The following PDIA6 variants were observed in gnomAD, a reference collection of about 807,000 sequenced individuals.
PDIA6 encodes the protein protein disulfide isomerase family A member 6.
Under a neutral mutation model 58.4 loss-of-function variants are expected in PDIA6, and 29 were observed. That is an observed-to-expected ratio of 0.50 (90% CI 0.37 to 0.68). The LOEUF is 0.68. Ranked by LOEUF, PDIA6 falls within the 30% of genes least tolerant of loss-of-function variation. The probability of loss-of-function intolerance (pLI) is 0.00; values close to 1 mark genes in which losing one functional copy is unlikely to be tolerated. For synonymous variants in PDIA6, 192 were observed against 202.6 expected (o/e 0.95, Z 0.44); for missense variants, 480 against 551.0 (o/e 0.87, Z 1.29).
chr2:10,785,972 C>T (rs1221505922), intron 11 of PDIA6, among the ~76,000 whole-genome samples: 1 of 152,152 alleles, frequency 6.6e-6, no homozygotes, highest in Non-Finnish European at 1.5e-5. Flanking sequence ...CCTCAGACTC[C>T]CAAAGTGTTG....
chr2:10,833,457 C>T (rs1300579467), upstream of PDIA6, among the ~76,000 whole-genome samples: 2 of 152,214 alleles, frequency 1.3e-5, no homozygotes, highest in African/African-American at 4.8e-5. Context: ...CAGTCCATCA[C>T]CACAGTGGGG....
At chr2:10,834,768 TTCC>T (rs1667793549), upstream of PDIA6, among the ~76,000 whole-genome samples, 4 of 120,626 alleles carry the variant, frequency 3.3e-5, no homozygotes, top group African/African-American at 1.2e-4. Context: ...CCTTCCTTCC[TTCC>T]TTCCGTTCTT....
chr2:10,814,742 A>G (rs117533060), upstream of PDIA6, among the ~76,000 whole-genome samples: 32 of 152,274 alleles, frequency 2.1e-4, 1 homozygote, highest in East Asian at 5.2e-3. Context: ...CTTTGTCCCC[A>G]TGGGCCACAG....
intron 4 of PDIA6, among the ~76,000 whole-genome samples, chr2:10,796,514 AAAG>A: frequency 6.6e-6 from 1 of 152,058 alleles, no homozygotes. Flanking sequence ...AAAAAAAAAA[AAAG>A]AAAAGAAAAA....
Position 10,806,628 on chromosome 2 carries a change from C to CAAAGAAAGAAAGAAAGAAAGAAAGAA in PDIA6, c.20-3989_20-3988insTTCTTTCTTTCTTTCTTTCTTTCTTT, listed in dbSNP as rs142782761. Among the ~76,000 whole-genome samples the CAAAGAAAGAAAGAAAGAAAGAAAGAA allele has an allele frequency of 6.4e-4, 45 of 70,382 alleles. 9 individuals carry two copies. Among genetic ancestry groups the CAAAGAAAGAAAGAAAGAAAGAAAGAA allele is most frequent in the East Asian group, 3.2e-3 (7 of 2,208 alleles). The allele number at this position is 70,382 out of a possible 152,430, so 46.2% of individuals were successfully genotyped here. ...AACCACATCTCCTAAAAAATAAAGA[C>CAAAGAAAGAAAGAAAGAAAGAAAGAA]AGAAAGAAAGAAAGAAAGAAAAACG... On this transcript the variant is annotated intron_variant, in intron 1 of 12. Transcript: ENST00000272227.
intron 6 of PDIA6, among the ~76,000 whole-genome samples, chr2:10,791,424 G>A (rs1666031397): frequency 6.6e-6 from 1 of 152,234 alleles, no homozygotes; most frequent in African/African-American, 2.4e-5. Flanking sequence ...AGGATTACAG[G>A]TGTGAGCCAC....
At chr2:10,831,882 C>T (rs979220460) in intron 1 of PDIA6, among the ~76,000 whole-genome samples, 7 of 151,874 alleles carry the variant, frequency 4.6e-5, no homozygotes, top group Non-Finnish European at 1.5e-5. Context: ...CCTTCCTCTC[C>T]CCTCAAACCT....
In PDIA6 at chr2:10,803,005, G is replaced by C. The variant is rs115101953; in HGVS notation, c.20-365C>G. Among the ~76,000 whole-genome samples, 677 of 152,278 alleles carry C rather than the reference G, an allele frequency of 4.4e-3. 11 individuals carry two copies. The highest frequency in any genetic ancestry group is 0.016 in the African/African-American group (663 of 41,562). On this transcript the variant is annotated intron_variant, in intron 1 of 12. Transcript: ENST00000272227. The stretch of plus-strand genomic sequence containing the variant: ...GCTGAAAAATTGGGAGGTCACTTCT[G>C]CCTGTGTAACCCTGGGCAATCACGT...
rs1283231893 is a variant in PDIA6 at position 10,788,077 on chromosome 2, AAAAG to A, written c.998+616_998+619del. Among the ~76,000 whole-genome samples, 7 of 152,002 alleles carry A rather than the reference AAAAG, an allele frequency of 4.6e-5. No homozygotes were observed. The South Asian group carries it at 6.2e-4, about 14-fold the overall frequency. ...TGAGACTCTGTCTCAAAAAAAAAAA[AAAAG>A]GATAAAATAGGAAAGAGATACACTG... On this transcript the variant is annotated intron_variant, in intron 10 of 12. Coordinates refer to ENST00000272227, the MANE Select transcript of PDIA6 (RefSeq NM_005742.4).
At chr2:10,812,914 C>T (rs1053463206), upstream of PDIA6, 65 of 1,018,606 alleles carry the variant, frequency 6.4e-5, no homozygotes, top group Non-Finnish European at 7.3e-5. Context: ...TGGGAGGCGG[C>T]CGGGTAGAGG....
intron 9 of PDIA6, 42 bp from the exon 10 acceptor site, chr2:10,788,811 G>A (rs1188158691): frequency 6.4e-7 from 1 of 1,564,930 alleles, no homozygotes; most frequent in East Asian, 2.2e-5. Context: ...AAAGATAAAG[G>A]AGTCCATAAA....
At chr2:10,826,801 C>T (rs1667567853) in intron 1 of PDIA6, among the ~76,000 whole-genome samples, 1 of 152,156 alleles carries the variant, frequency 6.6e-6, no homozygotes, top group African/African-American at 2.4e-5. Flanking sequence ...CTTTAAGAGC[C>T]TGCCTCTGAC....
chr2:10,832,548 G>C (rs1667738770), upstream of PDIA6: 3 of 459,382 alleles, frequency 6.5e-6, no homozygotes, highest in Non-Finnish European at 8.6e-6. Context: ...GGCTGCTGCG[G>C]GGATGCGTGT....
At chr2:10,806,622 T>TAAAGACAGACAG (rs1666763808) in intron 1 of PDIA6, among the ~76,000 whole-genome samples, 1 of 48,692 alleles carries the variant, frequency 2.1e-5, no homozygotes, top group Non-Finnish European at 6.8e-5. Context: ...TCCTAAAAAA[T>TAAAGACAGACAG]AAAGACAGAA....
chr2:10,833,679 A>G (rs1667761608), upstream of PDIA6, among the ~76,000 whole-genome samples: 1 of 152,200 alleles, frequency 6.6e-6, no homozygotes, highest in Admixed American at 6.5e-5. Flanking sequence ...ACCCATACAC[A>G]GATTGGAACT....
At chr2:10,813,597 A>G (rs958313169), upstream of PDIA6, among the ~76,000 whole-genome samples, 1 of 152,194 alleles carries the variant, frequency 6.6e-6, no homozygotes, top group Non-Finnish European at 1.5e-5. Context: ...AAGTGCTGGG[A>G]TCACAGGCAT....
upstream of PDIA6, among the ~76,000 whole-genome samples, chr2:10,836,906 AC>A (rs766831211): frequency 6.6e-6 from 1 of 152,034 alleles, no homozygotes; most frequent in Non-Finnish European, 1.5e-5. Flanking sequence ...CCATGCCTCA[AC>A]CCTCTCTGAT....
chr2:10,831,028 G>C (rs1378463263), intron 1 of PDIA6, among the ~76,000 whole-genome samples: 1 of 152,212 alleles, frequency 6.6e-6, no homozygotes, highest in Non-Finnish European at 1.5e-5. Context: ...GGGGCTGGCG[G>C]GGAGGGCCCT....
chr2:10,803,827 A>G (rs980323154), intron 1 of PDIA6, among the ~76,000 whole-genome samples: 2 of 152,030 alleles, frequency 1.3e-5, no homozygotes, highest in Non-Finnish European at 2.9e-5. Flanking sequence ...GGAGCTTAAA[A>G]AATCCTATCA....
Sources: allele counts gnomAD v4.1 joint callset (sites outside exome capture counted in the v4.1 genomes callset), GRCh38; gene constraint gnomAD v4.1.1; transcripts MANE v1.5; gene names NCBI Gene and HGNC (gene_info 2026-07-23, HGNC 2026-07-21).